The following ANO3 variants were observed in gnomAD, a reference collection of about 807,000 sequenced individuals.
The protein encoded by ANO3 is anoctamin-3.
Under a neutral mutation model 144.8 loss-of-function variants are expected in ANO3, and 99 were observed. That is an observed-to-expected ratio of 0.68 (90% confidence interval 0.58 to 0.81). The LOEUF is 0.81. Ranked by LOEUF, ANO3 falls within the 30% of genes least tolerant of loss-of-function variation. ANO3 has a pLI of 0.00. For missense variants in ANO3, 905 were observed against 1,202.2 expected (o/e 0.75, Z 3.66); for synonymous variants, 414 against 392.6 (o/e 1.05, Z -0.64).
intron 3 of ANO3, among the ~76,000 whole-genome samples, chr11:26,455,163 C>T: frequency 6.6e-6 from 1 of 150,876 alleles, no homozygotes; most frequent in Non-Finnish European, 1.5e-5. Flanking sequence ...AAAACTGGCA[C>T]AAGACAGGGA....
intron 24 of ANO3, among the ~76,000 whole-genome samples, chr11:26,650,038 C>A (rs1411592469): frequency 6.6e-6 from 1 of 152,056 alleles, no homozygotes; most frequent in African/African-American, 2.4e-5. Flanking sequence ...TAGCGCCTGC[C>A]TTTCGTGTAG....
At chr11:26,339,673 A>G (rs1444663138) in intron 1 of ANO3, among the ~76,000 whole-genome samples, 2 of 152,180 alleles carry the variant, frequency 1.3e-5, no homozygotes, top group African/African-American at 4.8e-5. Context: ...GATCATGGGT[A>G]GTTCCCTGTC....
chr11:26,363,916 T>C (rs1855994292), intron 1 of ANO3, among the ~76,000 whole-genome samples: 1 of 152,140 alleles, frequency 6.6e-6, no homozygotes, highest in Non-Finnish European at 1.5e-5. Flanking sequence ...TAAAAGATTG[T>C]CTTTTCAAAG....
rs145766744 is a variant in ANO3, at chr11:26,350,522, G to T, written c.46+18201G>T. On this transcript the variant is annotated intron_variant, in intron 1 of 26. Transcript: ENST00000256737. ...ATTTGTTTAAAACCTTCAACAATTT[G>T]TATTTAGATTCTGACTTTAATCTAT... is the stretch of plus-strand genomic sequence containing the variant. Among the ~76,000 whole-genome samples the T allele has an allele frequency of 9.2e-3, 1,404 of 152,210 alleles. 8 individuals carry two copies. Among genetic ancestry groups the T allele is most frequent in the Non-Finnish European group, 0.014 (967 of 67,988 alleles).
At chr11:26,370,528 T>C (rs1338700446) in intron 1 of ANO3, among the ~76,000 whole-genome samples, 2 of 151,682 alleles carry the variant, frequency 1.3e-5, no homozygotes, top group Non-Finnish European at 2.9e-5. Flanking sequence ...GGGTAACAGG[T>C]AGAGGTTGCA....
intron 1 of ANO3, among the ~76,000 whole-genome samples, chr11:26,397,286 T>C (rs961180094): frequency 2.0e-5 from 3 of 152,112 alleles, no homozygotes; most frequent in Non-Finnish European, 4.4e-5. Context: ...GTATTTTTTT[T>C]CTAAGAGTTG....
chr11:26,521,383 G>T (rs1426024480), intron 6 of ANO3, among the ~76,000 whole-genome samples: 1 of 152,096 alleles, frequency 6.6e-6, no homozygotes, highest in African/African-American at 2.4e-5. Flanking sequence ...GAAGTTACAA[G>T]ATTTGTTAGC....
chr11:26,347,667 C>A (rs563158556), intron 1 of ANO3, among the ~76,000 whole-genome samples: 1 of 152,044 alleles, frequency 6.6e-6, no homozygotes, highest in Non-Finnish European at 1.5e-5. Context: ...TCTTTAAGGA[C>A]AGGGTGGTAA....
At chr11:26,534,397 A>C in intron 8 of ANO3, 59 bp from the exon 9 acceptor site, 1 of 1,126,194 alleles carries the variant, frequency 8.9e-7, no homozygotes, top group Non-Finnish European at 1.3e-6. Context: ...GGAACTTGTA[A>C]CTATTGCTGG....
chr11:26,373,281 G>A (rs1856313593), intron 1 of ANO3, among the ~76,000 whole-genome samples: 1 of 152,112 alleles, frequency 6.6e-6, no homozygotes, highest in African/African-American at 2.4e-5. Flanking sequence ...GGAGGTGAAT[G>A]GATCATGGGG....
At chr11:26,303,818 C>G (rs1445274370) in intron 1 of ANO3, among the ~76,000 whole-genome samples, 1 of 152,166 alleles carries the variant, frequency 6.6e-6, no homozygotes, top group African/African-American at 2.4e-5. Context: ...CTCCCAGGTT[C>G]AAGTGATTCT....
intron 4 of ANO3, among the ~76,000 whole-genome samples, chr11:26,463,904 T>G (rs1373820542): frequency 1.3e-5 from 2 of 151,802 alleles, no homozygotes; most frequent in Non-Finnish European, 2.9e-5. Flanking sequence ...CTCACTTTTT[T>G]TTTTTCATTT....
intron 1 of ANO3, among the ~76,000 whole-genome samples, chr11:26,394,880 A>G (rs1469779514): frequency 1.3e-5 from 2 of 152,102 alleles, no homozygotes; most frequent in Non-Finnish European, 1.5e-5. Flanking sequence ...CTGGCCCTGA[A>G]TGCACACAAA....
At chr11:26,217,052 G>C (rs778584929) in intron 1 of ANO3, among the ~76,000 whole-genome samples, 1 of 151,898 alleles carries the variant, frequency 6.6e-6, no homozygotes, top group Non-Finnish European at 1.5e-5. Context: ...TTTCAACAAA[G>C]AATTTTTAAT....
At chr11:26,254,013 C>G (rs55996110) in intron 1 of ANO3, among the ~76,000 whole-genome samples, 6,315 of 152,198 alleles carry the variant, frequency 0.041, 185 homozygotes, top group Non-Finnish European at 0.059. Context: ...TAACCAAGCC[C>G]CCTGCAAGCT....
intron 1 of ANO3, among the ~76,000 whole-genome samples, chr11:26,233,137 A>G (rs1332898612): frequency 2.0e-5 from 3 of 151,732 alleles, no homozygotes; most frequent in African/African-American, 7.3e-5. Context: ...GAATGGCGTG[A>G]ACCCAGGAGG....
chr11:26,217,599 A>C (rs767473107), intron 1 of ANO3, among the ~76,000 whole-genome samples: 1 of 152,038 alleles, frequency 6.6e-6, no homozygotes, highest in Non-Finnish European at 1.5e-5. Context: ...GAGGATAATA[A>C]TAATGCATAT....
intron 1 of ANO3, among the ~76,000 whole-genome samples, chr11:26,264,133 A>G (rs376132255): frequency 5.3e-5 from 8 of 152,322 alleles, no homozygotes; most frequent in African/African-American, 1.9e-4. Flanking sequence ...GTAAGAATAG[A>G]TTTCCTGGAA....
intron 1 of ANO3, among the ~76,000 whole-genome samples, chr11:26,229,203 T>C (rs892084491): frequency 2.6e-5 from 4 of 152,218 alleles, no homozygotes; most frequent in East Asian, 1.9e-4. Flanking sequence ...CTGCCAAGAA[T>C]TCTCTGTGTT....
Sources: gnomAD v4.1 joint callset for allele counts (sites outside exome capture counted in the v4.1 genomes callset) on GRCh38, gnomAD v4.1.1 for gene constraint, MANE v1.5 for transcripts, NCBI Gene and HGNC (gene_info 2026-07-23, HGNC 2026-07-21) for gene names.